The following ZNF165 variants were observed in gnomAD, a reference collection of about 807,000 sequenced individuals.
The protein encoded by ZNF165 is zinc finger protein 165, also known as cancer/testis antigen 53.
In ZNF165, 14 loss-of-function variants were observed where a neutral mutation model predicts 19.6. The observed-to-expected ratio is 0.71, with a 90% CI of 0.47 to 1.12. ZNF165 has a LOEUF of 1.12. ZNF165 is among the 50% of genes most tolerant of loss of function. The pLI is 0.00. For missense variants in ZNF165, 504 were observed against 566.3 expected (o/e 0.89, Z 1.12); for synonymous variants, 165 against 195.0 (o/e 0.85, Z 1.28).
Position 28,085,704 on chromosome 6 carries a change from G to A in ZNF165, c.224G>A (p.Cys75Tyr). 4 of 1,614,040 alleles carry A rather than the reference G, an allele frequency of 2.5e-6. No homozygotes were observed. Among genetic ancestry groups the A allele is most frequent in the Non-Finnish European group, 3.4e-6 (4 of 1,180,048 alleles). Residue 75 changes from cysteine (C) to tyrosine (Y), a missense_variant, in exon 2 of 4, where the codon TGT becomes TAT. Coordinates refer to ENST00000683778, the MANE Select transcript of ZNF165 (RefSeq NM_001376491.1). Reference protein sequence around the residue: ...EALSRLRELCCQWLKPEIHTK... With the variant: ...EALSRLRELCYQWLKPEIHTK... The stretch of plus-strand genomic sequence containing the variant: ...CTGAGCCGCCTCCGGGAGCTCTGCT[G>A]TCAGTGGCTGAAGCCAGAGATCCAT...
rs748901687 is a variant in ZNF165, at chr6:28,088,931, T to C, written c.919T>C (p.Phe307Leu). 1.2e-6 allele frequency: 2 copies of C among 1,614,178 alleles called. No individual in the cohort carries two copies. The highest frequency in any genetic ancestry group is 1.7e-5 in the Admixed American group (1 of 60,026). ...CDQSFKWNSDFINHQIIYAGE... is the reference protein window; with the variant it reads ...CDQSFKWNSDLINHQIIYAGE... ...CCAGAGCTTCAAATGGAACTCAGAT[T>C]TTATTAACCATCAAATAATTTATGC... Residue 307 changes from phenylalanine to leucine, a missense_variant, in exon 4 of 4, where the codon TTT becomes CTT. Phe to Leu is a conservative substitution (Grantham distance 22). Transcript: ENST00000683778.
intron 1 of ZNF165, chr6:28,081,445 A>T (rs1764152792): frequency 6.6e-6 from 1 of 152,156 alleles, no homozygotes; most frequent in Admixed American, 6.5e-5. Context: ...CTTGTCCTGA[A>T]ATTTATTGAC....
chr6:28,089,423 C>T lies in ZNF165; in HGVS notation c.1411C>T (p.Leu471Phe). Residue 471 changes from leucine to phenylalanine, a missense_variant, in exon 4 of 4, where the codon CTT becomes TTT. Physicochemically the swap from Leu to Phe is conservative, Grantham distance 22. Coordinates refer to ENST00000683778, the MANE Select transcript of ZNF165 (RefSeq NM_001376491.1). ...CGRAFSQSSN[L>F]SQHQRIHMRE... ...AAGAGCCTTCAGTCAGAGCTCAAAC[C>T]TTAGTCAACACCAGAGAATTCACAT... 1.2e-6 allele frequency: 2 copies of T among 1,612,658 alleles called. No individual in the cohort carries two copies. Among genetic ancestry groups the T allele is most frequent in the South Asian group, 2.2e-5 (2 of 90,844 alleles).
In ZNF165 at chr6:28,088,622, TCA is replaced by T. The variant is rs1200791095; in HGVS notation, c.613_614del (p.Gln205GlufsTer17). 6 of 1,612,118 alleles carry T rather than the reference TCA, an allele frequency of 3.7e-6. No individual in the cohort carries two copies. In the African/African-American group the frequency reaches 5.3e-5, roughly 14 times the overall value. ...PKLEIFEKIE[S>X]QRIISGRISG... ...GCTGGAAATTTTTGAAAAAATTGAATCACAGAGAATTATATCTGGAAGAATCT... is the reference window on the plus strand; with the variant it reads ...GCTGGAAATTTTTGAAAAAATTGAATCAGAGAATTATATCTGGAAGAATCT... On this transcript the variant is annotated frameshift_variant, in exon 4 of 4. Transcript: ENST00000683778. LOFTEE classifies it low-confidence loss of function (END_TRUNC).
intron 1 of ZNF165, 73 bp from the exon 2 acceptor site, chr6:28,085,408 A>T: frequency 6.9e-7 from 1 of 1,457,118 alleles, no homozygotes; most frequent in Non-Finnish European, 9.3e-7. Flanking sequence ...GTAACTTTTG[A>T]TCCCTCAGGA....
rs370302417 is a variant in ZNF165 at position 28,089,350 on chromosome 6, C to T, written c.1338C>T (p.His446=). ...TFRVSSHLIR[H]FRIHTGEKPY... is the part of the protein sequence containing the mutation. ...GAGTGAGCTCACATCTTATTCGACA[C>T]TTTAGAATTCACACTGGAGAAAAAC... The change falls in exon 4 of 4, where the codon CAC becomes CAT. Residue 446 remains histidine (H), a synonymous_variant. Coordinates refer to ENST00000683778, the MANE Select transcript of ZNF165 (RefSeq NM_001376491.1). The T allele has an allele frequency of 1.2e-6, 2 of 1,614,012 alleles. No individual in the cohort carries two copies. Among genetic ancestry groups the T allele is most frequent in the Middle Eastern group, 1.6e-4 (1 of 6,084 alleles).
At chr6:28,083,781 A>T (rs1764208353) in intron 1 of ZNF165, among the ~76,000 whole-genome samples, 1 of 152,182 alleles carries the variant, frequency 6.6e-6, no homozygotes, top group Non-Finnish European at 1.5e-5. Flanking sequence ...TTTATTTCTA[A>T]TACCCACCAC....
chr6:28,080,434 G>C (rs995506515), upstream of ZNF165, among the ~76,000 whole-genome samples: 6 of 151,970 alleles, frequency 3.9e-5, no homozygotes, highest in Admixed American at 2.0e-4. Context: ...CTGGAGTGCA[G>C]TGGCGCGGTC....
intron 3 of ZNF165, among the ~76,000 whole-genome samples, chr6:28,087,846 G>C (rs1305393821): frequency 2.0e-5 from 3 of 152,086 alleles, no homozygotes; most frequent in Non-Finnish European, 1.5e-5. Context: ...TTTTGAGTAG[G>C]GTATGAAAGG....
At chr6:28,084,260 G>T (rs1038141836) in intron 1 of ZNF165, among the ~76,000 whole-genome samples, 4 of 152,204 alleles carry the variant, frequency 2.6e-5, no homozygotes, top group Non-Finnish European at 5.9e-5. Context: ...GTAAACCATT[G>T]CTGTACAACT....
Position 28,089,253 on chromosome 6 carries a change from ATC to A in ZNF165, c.1243_1244del (p.Leu415TyrfsTer16). The A allele has an allele frequency of 6.2e-7, 1 of 1,614,218 alleles. No individual in the cohort carries two copies. The highest frequency in any genetic ancestry group is 8.5e-7 in the Non-Finnish European group (1 of 1,180,030). ...GGGAGAGCATTCAACCTGAACTCAC[ATC>A]TTATCAGGCATCAGAGAATTCACAC... On this transcript the variant is annotated frameshift_variant, in exon 4 of 4. Transcript: ENST00000683778. LOFTEE classifies it low-confidence loss of function (END_TRUNC).
chr6:28,083,165 C>T (rs537305807), intron 1 of ZNF165, among the ~76,000 whole-genome samples: 78 of 152,316 alleles, frequency 5.1e-4, no homozygotes, highest in South Asian at 1.7e-3. Flanking sequence ...CACCATCAGT[C>T]TGCTGCTCAT....
At chr6:28,082,261 T>G (rs9393886) in intron 1 of ZNF165, among the ~76,000 whole-genome samples, 35,541 of 151,718 alleles carry the variant, frequency 0.23, 4,295 homozygotes, top group African/African-American at 0.3. Context: ...CTTGGAGAAT[T>G]AATACTGTTA....
intron 2 of ZNF165, 100 bp downstream of exon 2, chr6:28,085,991 GTTCAGTGTGCAT>G (rs1764265883): frequency 6.5e-6 from 10 of 1,527,016 alleles, no homozygotes; most frequent in Non-Finnish European, 8.8e-6. Flanking sequence ...GGAGCTGTTG[GTTCAGTGTGCAT>G]TTATGTCTCC....
Position 28,088,789 on chromosome 6 carries a change from C to A in ZNF165, c.777C>A (p.Leu259=). Residue 259 remains leucine (L), a synonymous_variant, in exon 4 of 4, where the codon CTC becomes CTA. Transcript: ENST00000683778. The part of the protein sequence containing the change: ...SAQDEGFGKI[L]THKNTVRGEI... ...AGGATGAAGGTTTTGGTAAAATCCT[C>A]ACCCACAAAAATACAGTCAGAGGTG... The A allele has an allele frequency of 1.2e-6, 2 of 1,614,148 alleles. No individual in the cohort carries two copies. Among genetic ancestry groups the A allele is most frequent in the Non-Finnish European group, 1.7e-6 (2 of 1,180,034 alleles).
At position 28,085,881 on chromosome 6, in the gene ZNF165, C is replaced by A. The variant is rs749099827; in HGVS notation, c.401C>A (p.Ala134Glu). The change falls in exon 2 of 4, where the codon GCA becomes GAA. Residue 134 changes from alanine (A) to glutamate (E), a missense_variant. Coordinates refer to ENST00000683778, the MANE Select transcript of ZNF165 (RefSeq NM_001376491.1). ...GATTTGGAGAGAGGCACTGATGAAG[C>A]AGTACTCCAGGTGCACAGGGGATGG... Reference protein sequence around the residue: ...LEDLERGTDEAVLQVQAHEHG... With the variant: ...LEDLERGTDEEVLQVQAHEHG... 1 of 1,610,006 alleles carries A rather than the reference C, an allele frequency of 6.2e-7. No individual in the cohort carries two copies. The highest frequency in any genetic ancestry group is 8.5e-7 in the Non-Finnish European group (1 of 1,179,966).
intron 1 of ZNF165, among the ~76,000 whole-genome samples, chr6:28,082,321 G>C (rs1166191077): frequency 6.6e-6 from 1 of 151,396 alleles, no homozygotes; most frequent in Admixed American, 6.6e-5. Flanking sequence ...AGACAAGCTC[G>C]GTCATGGAGA....
chr6:28,086,251 A>AG lies in ZNF165; in HGVS notation c.492dup (p.Pro165AlafsTer9). The AG allele has an allele frequency of 6.2e-7, 1 of 1,614,266 alleles. No individual in the cohort carries two copies. The highest frequency in any genetic ancestry group is 8.5e-7 in the Non-Finnish European group (1 of 1,180,044). On this transcript the variant is annotated frameshift_variant, in exon 3 of 4. Transcript: ENST00000683778. LOFTEE classifies it high-confidence loss of function. ...GGACCAGCACTTAATGTCAAGTTAC[A>AG]GCCAGTGGAGACCAAGGCCCATTTT...
intron 1 of ZNF165, among the ~76,000 whole-genome samples, chr6:28,085,079 C>T (rs1764243066): frequency 6.6e-6 from 1 of 152,110 alleles, no homozygotes; most frequent in Non-Finnish European, 1.5e-5. Context: ...CCATTGCAAC[C>T]ATCTGTATTT....
Sources: gnomAD v4.1 joint callset for allele counts (sites outside exome capture counted in the v4.1 genomes callset) on GRCh38, gnomAD v4.1.1 for gene constraint, MANE v1.5 for transcripts, NCBI Gene and HGNC (gene_info 2026-07-23, HGNC 2026-07-21) for gene names.